The following LSAMP variants were observed in gnomAD, a reference collection of about 807,000 sequenced individuals.
LSAMP encodes limbic system-associated membrane protein.
In LSAMP, 7 loss-of-function variants were observed where a neutral mutation model predicts 38.6. The ratio of observed to expected loss-of-function variants is 0.18; its 90% confidence interval spans 0.10 to 0.34. LSAMP has a LOEUF of 0.34. Ranked by LOEUF, LSAMP falls within the 10% of genes least tolerant of loss-of-function variation. The pLI is 1.00. For missense variants in LSAMP, 313 were observed against 420.0 expected, an observed-to-expected ratio of 0.75 and a Z score of 2.23; for synonymous variants, 154 against 166.8, an observed-to-expected ratio of 0.92 and a Z score of 0.59.
intron 1 of LSAMP, among the ~76,000 whole-genome samples, chr3:116,297,468 C>T (rs1284600541): frequency 6.6e-6 from 1 of 152,180 alleles, no homozygotes; most frequent in African/African-American, 2.4e-5. Context: ...TACATGAAAC[C>T]TTTATGTTAT....
chr3:116,273,702 A>ATATATG, intron 1 of LSAMP, among the ~76,000 whole-genome samples: 2 of 128,000 alleles, frequency 1.6e-5, no homozygotes, highest in Admixed American at 1.6e-4. Context: ...ATATATATAT[A>ATATATG]TATATACACA....
At chr3:115,978,502 A>G (rs567844867) in intron 3 of LSAMP, among the ~76,000 whole-genome samples, 2 of 152,176 alleles carry the variant, frequency 1.3e-5, no homozygotes, top group South Asian at 4.2e-4. Flanking sequence ...TTGAATAACA[A>G]TGGTGTCAAG....
At chr3:116,283,289 G>C (rs919608897) in intron 1 of LSAMP, among the ~76,000 whole-genome samples, 1 of 152,024 alleles carries the variant, frequency 6.6e-6, no homozygotes, top group South Asian at 2.1e-4. Context: ...CGTGTTCATC[G>C]GTGCTATTTG....
chr3:116,056,209 C>A (rs1278490680), intron 2 of LSAMP, among the ~76,000 whole-genome samples: 1 of 152,126 alleles, frequency 6.6e-6, no homozygotes, highest in Non-Finnish European at 1.5e-5. Context: ...AACAGAATTA[C>A]CATGTCATAA....
intron 1 of LSAMP, among the ~76,000 whole-genome samples, chr3:116,157,027 G>C (rs1709766800): frequency 1.3e-5 from 2 of 152,116 alleles, no homozygotes; most frequent in Admixed American, 1.3e-4. Context: ...TATATGCGGA[G>C]CACTGGAGGT....
chr3:116,015,511 C>T (rs916994138), intron 3 of LSAMP, among the ~76,000 whole-genome samples: 5 of 152,214 alleles, frequency 3.3e-5, no homozygotes, highest in Middle Eastern at 3.4e-3. Context: ...AAATAGGTCA[C>T]ATTTAATAAC....
chr3:116,049,182 G>T (rs984463135), intron 2 of LSAMP, among the ~76,000 whole-genome samples: 1 of 152,164 alleles, frequency 6.6e-6, no homozygotes. Context: ...ACTGGGCTTT[G>T]CTATCTCTGC....
At chr3:116,062,431 G>A (rs11716134) in intron 2 of LSAMP, among the ~76,000 whole-genome samples, 4,749 of 152,242 alleles carry the variant, frequency 0.031, 85 homozygotes, top group Non-Finnish European at 0.046. Flanking sequence ...ATCGAGAATC[G>A]CTTGAACTCA....
At chr3:116,266,879 C>CAATAATAA (rs2046899298) in intron 1 of LSAMP, among the ~76,000 whole-genome samples, 1 of 152,138 alleles carries the variant, frequency 6.6e-6, no homozygotes, top group South Asian at 2.1e-4. Context: ...CTAATACTAA[C>CAATAATAA]AATAATAATA....
intron 3 of LSAMP, among the ~76,000 whole-genome samples, chr3:115,853,527 T>G (rs150218447): frequency 2.0e-5 from 3 of 152,296 alleles, no homozygotes; most frequent in Non-Finnish European, 2.9e-5. Context: ...TAAATTCCCC[T>G]ATGTGGAGAA....
intron 1 of LSAMP, among the ~76,000 whole-genome samples, chr3:116,210,410 C>T (rs191523748): frequency 4.6e-5 from 7 of 152,152 alleles, no homozygotes; most frequent in Non-Finnish European, 7.4e-5. Flanking sequence ...CTGCGTCTTC[C>T]GGCCTCCATC....
chr3:116,432,712 A>G (rs1178565763), intron 1 of LSAMP, among the ~76,000 whole-genome samples: 1 of 152,128 alleles, frequency 6.6e-6, no homozygotes, highest in African/African-American at 2.4e-5. Context: ...AGTTGGAACA[A>G]TGGAAGCTAA....
At chr3:116,167,348 G>T (rs1710084868) in intron 1 of LSAMP, among the ~76,000 whole-genome samples, 1 of 152,144 alleles carries the variant, frequency 6.6e-6, no homozygotes, top group Non-Finnish European at 1.5e-5. Flanking sequence ...CTGCACATGA[G>T]TGAAGACATA....
chr3:116,265,634 A>G (rs370634017), intron 1 of LSAMP, among the ~76,000 whole-genome samples: 1 of 152,200 alleles, frequency 6.6e-6, no homozygotes, highest in Non-Finnish European at 1.5e-5. Context: ...GCGTAACAGC[A>G]GTCCCAAGAG....
chr3:116,402,585 A>G (rs2048852987), intron 1 of LSAMP, among the ~76,000 whole-genome samples: 1 of 152,154 alleles, frequency 6.6e-6, no homozygotes, highest in South Asian at 2.1e-4. Flanking sequence ...TTCACTATTT[A>G]TTGGCATTAA....
chr3:116,222,263 C>T (rs1213996282), intron 1 of LSAMP, among the ~76,000 whole-genome samples: 2 of 139,972 alleles, frequency 1.4e-5, no homozygotes, highest in African/African-American at 5.7e-5. Context: ...TATTTTATGA[C>T]TTCAAAAAAA....
intron 1 of LSAMP, among the ~76,000 whole-genome samples, chr3:116,091,280 G>A (rs192971800): frequency 3.0e-3 from 463 of 152,316 alleles, no homozygotes; most frequent in Non-Finnish European, 4.5e-3. Flanking sequence ...CTGAACAATT[G>A]CTGTTATCCT....
chr3:115,866,206 C>G (rs1335782563), intron 3 of LSAMP, among the ~76,000 whole-genome samples: 1 of 152,126 alleles, frequency 6.6e-6, no homozygotes. Flanking sequence ...AGTCTCAGCT[C>G]TGTTCCTGAG....
chr3:116,185,852 A>G (rs1383226957), intron 1 of LSAMP, among the ~76,000 whole-genome samples: 1 of 151,406 alleles, frequency 6.6e-6, no homozygotes, highest in Non-Finnish European at 1.5e-5. Flanking sequence ...ACTGCTGAAA[A>G]TGGAGGAGTT....
Sources: gnomAD v4.1 joint callset for allele counts (sites outside exome capture counted in the v4.1 genomes callset) on GRCh38, gnomAD v4.1.1 for gene constraint, MANE v1.5 for transcripts, NCBI Gene and HGNC (gene_info 2026-07-23, HGNC 2026-07-21) for gene names.